The following PREX1 variants were observed in gnomAD, a reference collection of about 807,000 sequenced individuals.
PREX1 encodes phosphatidylinositol-3,4,5-trisphosphate dependent Rac exchange factor 1, also known as phosphatidylinositol 3,4,5-trisphosphate-dependent Rac exchanger 1 protein.
Under a neutral mutation model 198.3 loss-of-function variants are expected in PREX1, and 41 were observed. That is an observed-to-expected ratio of 0.21 (90% CI 0.16 to 0.27). The LOEUF is 0.27. PREX1 is among the 10% of genes least tolerant of loss of function. PREX1 has a pLI of 1.00. For missense variants in PREX1, 1,620 were observed against 2,200.7 expected (o/e 0.74, Z 5.28); for synonymous variants, 843 against 887.2 (o/e 0.95, Z 0.89).
the PREX1 span, among the ~76,000 whole-genome samples, chr20:48,844,495 G>T: frequency 1.3e-5 from 2 of 152,142 alleles, no homozygotes; most frequent in African/African-American, 2.4e-5. Context: ...TCATGAAGAG[G>T]CATGTGACTC....
chr20:48,689,597 C>T (rs1324386030), intron 9 of PREX1, among the ~76,000 whole-genome samples: 1 of 152,082 alleles, frequency 6.6e-6, no homozygotes, highest in Non-Finnish European at 1.5e-5. Context: ...TCCCATGTGC[C>T]CAACAAAGAC....
chr20:48,873,864 C>T, the PREX1 span, among the ~76,000 whole-genome samples: 3 of 152,292 alleles, frequency 2.0e-5, no homozygotes, highest in East Asian at 3.9e-4. Context: ...TTTTCCCAGG[C>T]GTTTACACAC....
At chr20:48,652,002 C>A (rs1246818063) in intron 21 of PREX1, among the ~76,000 whole-genome samples, 1 of 152,168 alleles carries the variant, frequency 6.6e-6, no homozygotes, top group Admixed American at 6.5e-5. Flanking sequence ...AGGACCACAG[C>A]CCTGTGGACA....
rs1003236886 is a variant in PREX1 at position 48,678,339 on chromosome 20, T to C, written c.1589+1021A>G. 5.9e-4 allele frequency among the ~76,000 whole-genome samples: 89 copies of C among 151,608 alleles called. 1 individual carries two copies. The highest frequency in any genetic ancestry group is 1.9e-3 in the African/African-American group (79 of 41,236). On this transcript the variant is annotated intron_variant, in intron 13 of 39. Transcript: ENST00000371941. ...AAAAAAAATTAGCTAGGCATGGTGG[T>C]GCACGCCTGTAGTCCCAGCTACCTA...
At chr20:48,634,460 G>A (rs903472943) in intron 33 of PREX1, among the ~76,000 whole-genome samples, 4 of 152,242 alleles carry the variant, frequency 2.6e-5, no homozygotes, top group South Asian at 2.1e-4. Context: ...GGAAATAGCC[G>A]GGTTCATACA....
chr20:48,656,425 G>GC (rs3091871), intron 18 of PREX1: 456,425 of 456,438 alleles, frequency 1, 228,206 homozygotes, highest in Middle Eastern at 1. Flanking sequence ...GGCCTCCAGG[G>GC]CTGGACCCCG....
intron 30 of PREX1, 85 bp from the exon 31 acceptor site, chr20:48,637,837 C>A: frequency 2.4e-6 from 3 of 1,267,290 alleles, no homozygotes; most frequent in Non-Finnish European, 2.2e-6. Context: ...CTCCCCATGG[C>A]ACCTCCCAAG....
the PREX1 span, among the ~76,000 whole-genome samples, chr20:48,864,797 G>A: frequency 6.6e-6 from 1 of 152,180 alleles, no homozygotes; most frequent in Non-Finnish European, 1.5e-5. Flanking sequence ...GTTCTTCGTG[G>A]GTTCTTCCAG....
At chr20:48,787,856 T>C (rs1482718740) in intron 1 of PREX1, among the ~76,000 whole-genome samples, 1 of 152,170 alleles carries the variant, frequency 6.6e-6, no homozygotes, top group African/African-American at 2.4e-5. Context: ...AAATTACAAG[T>C]GGCCACCAGA....
chr20:48,802,428 G>A (rs1020252071), intron 1 of PREX1, among the ~76,000 whole-genome samples: 2 of 152,000 alleles, frequency 1.3e-5, no homozygotes, highest in African/African-American at 4.8e-5. Flanking sequence ...CCTGCCTCGG[G>A]GCCTTTGCAC....
intron 1 of PREX1, among the ~76,000 whole-genome samples, chr20:48,818,533 G>A (rs144444681): frequency 4.9e-4 from 75 of 152,346 alleles, no homozygotes; most frequent in African/African-American, 1.5e-3. Context: ...AGGCCAGGGC[G>A]AGATCAAAAG....
chr20:48,790,300 T>C (rs1157390042), intron 1 of PREX1, among the ~76,000 whole-genome samples: 1 of 152,140 alleles, frequency 6.6e-6, no homozygotes, highest in Non-Finnish European at 1.5e-5. Context: ...GTCAAATCCA[T>C]TCTAGGGCTG....
At chr20:48,713,872 A>AAAAAAG (rs1555837405) in intron 5 of PREX1, among the ~76,000 whole-genome samples, 1 of 147,724 alleles carries the variant, frequency 6.8e-6, no homozygotes, top group African/African-American at 2.6e-5. Context: ...AAAAAAAAAA[A>AAAAAAG]AAAAGAAAAT....
the PREX1 span, among the ~76,000 whole-genome samples, chr20:48,836,022 T>G: frequency 2.0e-5 from 3 of 152,132 alleles, no homozygotes; most frequent in East Asian, 5.8e-4. Flanking sequence ...TAGAGTGAAA[T>G]AGAGTTAAAC....
the PREX1 span, among the ~76,000 whole-genome samples, chr20:48,867,335 G>A: frequency 1.3e-5 from 2 of 152,358 alleles, no homozygotes; most frequent in Admixed American, 6.5e-5. Context: ...AGGGGCAGAA[G>A]CAGTGCCAGA....
the PREX1 span, among the ~76,000 whole-genome samples, chr20:48,855,408 G>C: frequency 6.6e-6 from 1 of 152,132 alleles, no homozygotes; most frequent in Non-Finnish European, 1.5e-5. Context: ...CCTGGCGGCA[G>C]GGGGACAGAT....
At chr20:48,875,584 A>G in the PREX1 span, among the ~76,000 whole-genome samples, 6 of 152,022 alleles carry the variant, frequency 3.9e-5, no homozygotes, top group African/African-American at 1.5e-4. Context: ...TTGTGTGATG[A>G]CTCTGGAGGG....
chr20:48,821,224 G>C (rs927815736), intron 1 of PREX1, among the ~76,000 whole-genome samples: 2 of 151,982 alleles, frequency 1.3e-5, no homozygotes, highest in African/African-American at 4.8e-5. Context: ...GGGGATTTTT[G>C]ATCCTGGCTA....
At chr20:48,670,739 G>GT (rs1358276486) in intron 14 of PREX1, among the ~76,000 whole-genome samples, 1 of 152,164 alleles carries the variant, frequency 6.6e-6, no homozygotes, top group East Asian at 1.9e-4. Flanking sequence ...CCCCTGAGAG[G>GT]TGGTCTCTGC....
Sources: gnomAD v4.1 joint callset for allele counts (sites outside exome capture counted in the v4.1 genomes callset) on GRCh38, gnomAD v4.1.1 for gene constraint, MANE v1.5 for transcripts, NCBI Gene and HGNC (gene_info 2026-07-23, HGNC 2026-07-21) for gene names.